Variants in SLC41A3 observed in about 807,000 individuals in gnomAD.
The protein encoded by SLC41A3 is SLC41A1-like 2.
Under a neutral mutation model 45.4 loss-of-function variants are expected in SLC41A3, and 44 were observed. The observed-to-expected ratio is 0.97, with a 90% CI of 0.76 to 1.25. SLC41A3 has a LOEUF of 1.25. SLC41A3 is among the 50% of genes most tolerant of loss of function. SLC41A3 has a pLI of 0.00. For synonymous variants in SLC41A3, 256 were observed against 252.4 expected, an observed-to-expected ratio of 1.01 and a Z score of -0.13; for missense variants, 550 against 600.6, an observed-to-expected ratio of 0.92 and a Z score of 0.88.
In SLC41A3 at chr3:126,045,488, A is replaced by G. The variant is rs1485113074; in HGVS notation, c.381+5455T>C. On this transcript the variant is annotated intron_variant, in intron 3 of 10. Coordinates refer to ENST00000360370, the MANE Select transcript of SLC41A3 (RefSeq NM_017836.4). ...CTACAGAAATAAAAAGGAATACAAG[A>G]AAGGAAATTGTATCCAAACACACTA... Among the ~76,000 whole-genome samples, 5 of 152,196 alleles carry G rather than the reference A, an allele frequency of 3.3e-5. No individual in the cohort carries two copies. In the South Asian group the frequency reaches 1.0e-3, roughly 31 times the overall value.
At chr3:126,052,801 TCTTC>T (rs1250933640) in intron 2 of SLC41A3, among the ~76,000 whole-genome samples, 2 of 151,864 alleles carry the variant, frequency 1.3e-5, no homozygotes, top group Admixed American at 6.5e-5. Flanking sequence ...TTAATACCGA[TCTTC>T]CTTCCTGCTT....
intron 10 of SLC41A3, among the ~76,000 whole-genome samples, chr3:126,007,698 C>T (rs1226696673): frequency 2.0e-5 from 3 of 152,214 alleles, no homozygotes; most frequent in East Asian, 3.8e-4. Flanking sequence ...CCTTCCTTCT[C>T]CCCAACTGGA....
At chr3:126,060,439 T>TACACACACACACACACACACGC (rs1553741202) in intron 2 of SLC41A3, among the ~76,000 whole-genome samples, 1 of 146,322 alleles carries the variant, frequency 6.8e-6, no homozygotes, top group East Asian at 2.0e-4. Flanking sequence ...GTGAGAAGGA[T>TACACACACACACACACACACGC]ACACACACAC....
chr3:126,022,857 G>T lies in SLC41A3; in HGVS notation c.674C>A (p.Ala225Glu). The change falls in exon 6 of 11, where the codon GCA becomes GAA. Residue 225 changes from alanine (A) to glutamate (E), a missense_variant. Physicochemically the swap from Ala to Glu is moderately radical, Grantham distance 107 (BLOSUM62 -1). Transcript: ENST00000360370. Reference protein sequence around the residue: ...VNPDNIATPIAASLGDLITLS... With the variant: ...VNPDNIATPIEASLGDLITLS... ...TGTGATGAGGTCTCCCAGGCTGGCTGCAATGGGCGTGGCAATGTTGTCTGG... is the reference window on the plus strand; with the variant it reads ...TGTGATGAGGTCTCCCAGGCTGGCTTCAATGGGCGTGGCAATGTTGTCTGG... The T allele has an allele frequency of 6.2e-7, 1 of 1,614,216 alleles. No individual in the cohort carries two copies. The highest frequency in any genetic ancestry group is 1.1e-5 in the South Asian group (1 of 91,078).
intron 7 of SLC41A3, 55 bp downstream of exon 7, chr3:126,016,676 G>A: frequency 1.3e-6 from 2 of 1,561,870 alleles, no homozygotes; most frequent in Non-Finnish European, 1.7e-6. Flanking sequence ...CCTGGTTCTA[G>A]GGGCCTTCAT....
upstream of SLC41A3, among the ~76,000 whole-genome samples, chr3:126,087,477 T>C (rs1945417268): frequency 6.6e-6 from 1 of 152,032 alleles, no homozygotes; most frequent in Non-Finnish European, 1.5e-5. Context: ...AATTTAAAAA[T>C]TATAGAAAAA....
intron 2 of SLC41A3, among the ~76,000 whole-genome samples, chr3:126,063,949 A>ACACCCCCCCC: frequency 9.8e-6 from 1 of 101,992 alleles, no homozygotes. Context: ...GCCAGATCCA[A>ACACCCCCCCC]CCCCCCCCCG....
chr3:126,041,633 T>A (rs909687033), intron 3 of SLC41A3, among the ~76,000 whole-genome samples: 1 of 152,218 alleles, frequency 6.6e-6, no homozygotes, highest in Non-Finnish European at 1.5e-5. Flanking sequence ...AAGGAAAAAG[T>A]AAAGCATTTT....
At chr3:126,074,581 C>G (rs1297227694) in intron 1 of SLC41A3, among the ~76,000 whole-genome samples, 1 of 152,084 alleles carries the variant, frequency 6.6e-6, no homozygotes, top group Non-Finnish European at 1.5e-5. Context: ...AGCCAGTAAA[C>G]AAGTTCAGCA....
At chr3:126,071,179 T>C (rs1201608065) in intron 1 of SLC41A3, among the ~76,000 whole-genome samples, 2 of 152,148 alleles carry the variant, frequency 1.3e-5, no homozygotes, top group African/African-American at 2.4e-5. Flanking sequence ...TATAAATGGA[T>C]AGGTTGGAAG....
chr3:126,072,242 G>T (rs1007409195), intron 1 of SLC41A3, among the ~76,000 whole-genome samples: 2 of 151,022 alleles, frequency 1.3e-5, no homozygotes, highest in African/African-American at 4.9e-5. Flanking sequence ...TCTTTAAAAA[G>T]AAATGAACAA....
At position 126,026,211 on chromosome 3, in the gene SLC41A3, CCCA is replaced by C; in HGVS notation, c.598+121_598+123del. 1 of 1,407,960 alleles carries C rather than the reference CCCA, an allele frequency of 7.1e-7. No homozygotes were observed. Among genetic ancestry groups the C allele is most frequent in the Non-Finnish European group, 9.5e-7 (1 of 1,050,098 alleles). The allele number at this position is 1,407,960 out of a possible 1,614,324, so 87.2% of individuals were successfully genotyped here. ...CCACCCTGCCAGTGAGAACCCTGAG[CCCA>C]CCATCAGTCCCATTAGCAGTGGGAC... On this transcript the variant is annotated intron_variant, in intron 5 of 10. Transcript: ENST00000360370. The surrounding 1 kb of genome is among the most constrained non-coding windows in gnomAD (Gnocchi z 4.2).
intron 1 of SLC41A3, among the ~76,000 whole-genome samples, chr3:126,083,359 G>C (rs1266323457): frequency 6.6e-6 from 1 of 152,124 alleles, no homozygotes. Context: ...AAAAAAAGTG[G>C]GATTTGATCA....
At chr3:126,084,799 T>A (rs2108118140), upstream of SLC41A3, among the ~76,000 whole-genome samples, 1 of 152,304 alleles carries the variant, frequency 6.6e-6, no homozygotes, top group East Asian at 1.9e-4. Flanking sequence ...ACCTCCCCGT[T>A]CCCAACCACC....
intron 2 of SLC41A3, among the ~76,000 whole-genome samples, chr3:126,054,627 G>A (rs534212008): frequency 4.0e-4 from 61 of 150,662 alleles, no homozygotes; most frequent in African/African-American, 1.3e-3. Context: ...GAATGTTCAC[G>A]TCTTTTCAGG....
intron 1 of SLC41A3, among the ~76,000 whole-genome samples, chr3:126,081,374 G>A (rs1945144588): frequency 6.6e-6 from 1 of 152,248 alleles, no homozygotes; most frequent in African/African-American, 2.4e-5. Flanking sequence ...GGGAAAAAGG[G>A]AGGATGGTTA....
In SLC41A3 at chr3:126,007,110, G is replaced by C. The variant is rs372659614; in HGVS notation, c.1370C>G (p.Thr457Ser). 1 of 1,614,244 alleles carries C rather than the reference G, an allele frequency of 6.2e-7. No individual in the cohort carries two copies. Residue 457 changes from threonine to serine, a missense_variant, in exon 11 of 11, where the codon ACT (threonine) becomes AGT (serine). Physicochemically the swap from Thr to Ser is moderately conservative, Grantham distance 58. Coordinates refer to ENST00000360370, the MANE Select transcript of SLC41A3 (RefSeq NM_017836.4). ...GAAAAAGCAGAGTGCCAGGAGGCCA[G>C]TACCGAGCAGGTCCCCCAGCCCTGT... ...YLTGLGDLLGTGLLALCFFTD... is the reference protein window; with the variant it reads ...YLTGLGDLLGSGLLALCFFTD...
intron 3 of SLC41A3, among the ~76,000 whole-genome samples, chr3:126,035,978 G>A: frequency 6.6e-6 from 1 of 152,224 alleles, no homozygotes; most frequent in Non-Finnish European, 1.5e-5. Context: ...GAGAAAACCA[G>A]TGGGAGGCAG....
chr3:126,012,456 G>C (rs1055108110), intron 9 of SLC41A3, among the ~76,000 whole-genome samples, 159 bp downstream of exon 9: 1 of 152,170 alleles, frequency 6.6e-6, no homozygotes, highest in African/African-American at 2.4e-5. Flanking sequence ...AGGAAAGGCA[G>C]GGCCGGGGAG....
Sources: gnomAD v4.1 joint callset for allele counts (sites outside exome capture counted in the v4.1 genomes callset) on GRCh38, gnomAD v4.1.1 for gene constraint, Gnocchi (gnomAD v3.1) non-coding constraint, MANE v1.5 for transcripts, NCBI Gene and HGNC (gene_info 2026-07-23, HGNC 2026-07-21) for gene names.